Variants in IKZF1 observed in about 807,000 individuals in gnomAD.
IKZF1 encodes IKAROS family zinc finger 1.
Under a neutral mutation model 51.7 loss-of-function variants are expected in IKZF1, and 10 were observed. That is an observed-to-expected ratio of 0.19 (90% CI 0.12 to 0.33). The LOEUF (loss-of-function observed/expected upper bound fraction) is 0.33, where lower values mean the gene tolerates loss of function less well. Among genes scored for constraint, IKZF1 ranks in the 10% least tolerant of loss-of-function variants. The pLI is 1.00. For synonymous variants in IKZF1, 280 were observed against 282.3 expected (o/e 0.99, Z 0.08); for missense variants, 484 against 707.5 (o/e 0.68, Z 3.58).
intron 7 of IKZF1, among the ~76,000 whole-genome samples, chr7:50,399,261 G>A (rs1198211310): frequency 1.3e-5 from 2 of 152,056 alleles, no homozygotes; most frequent in African/African-American, 4.8e-5. Flanking sequence ...TTACTTTTGA[G>A]TATCCCTTCC....
intron 3 of IKZF1, among the ~76,000 whole-genome samples, chr7:50,339,579 T>C (rs1798599343): frequency 6.6e-6 from 1 of 151,780 alleles, no homozygotes; most frequent in East Asian, 1.9e-4. Context: ...TGAAACCCCA[T>C]CTCTACTAAA....
intron 3 of IKZF1, among the ~76,000 whole-genome samples, chr7:50,339,077 C>T (rs1001581731): frequency 0.021 from 3,164 of 152,260 alleles, 53 homozygotes; most frequent in Non-Finnish European, 0.026. Flanking sequence ...CCACAGAAAT[C>T]GGTGAACGCT....
At chr7:50,355,370 C>A (rs1046634616) in intron 3 of IKZF1, among the ~76,000 whole-genome samples, 5 of 152,166 alleles carry the variant, frequency 3.3e-5, no homozygotes, top group Non-Finnish European at 5.9e-5. Context: ...TGAGAGCAGT[C>A]AGTGTCATGT....
chr7:50,336,821 T>A (rs1382850375), intron 3 of IKZF1, among the ~76,000 whole-genome samples: 7 of 152,052 alleles, frequency 4.6e-5, no homozygotes, highest in African/African-American at 1.7e-4. Context: ...AAGGTAGGGA[T>A]GTAAGTCATA....
intron 3 of IKZF1, among the ~76,000 whole-genome samples, chr7:50,339,125 C>T (rs1798454001): frequency 6.6e-6 from 1 of 151,984 alleles, no homozygotes; most frequent in South Asian, 2.1e-4. Context: ...GCTGGTTTAT[C>T]TGTGCACCAC....
At chr7:50,382,771 C>T in intron 5 of IKZF1, 64 bp downstream of exon 5, 1 of 1,522,380 alleles carries the variant, frequency 6.6e-7, no homozygotes, top group Non-Finnish European at 8.8e-7. Flanking sequence ...CTCTGCCCGC[C>T]TGGGTCCCGG....
chr7:50,371,206 T>G (rs1042220408), intron 3 of IKZF1, among the ~76,000 whole-genome samples: 2 of 152,226 alleles, frequency 1.3e-5, no homozygotes, highest in Middle Eastern at 3.2e-3. Flanking sequence ...TCCCTTGGGA[T>G]GGGTTCCGGG....
chr7:50,358,323 A>C (rs1436791419), intron 3 of IKZF1, among the ~76,000 whole-genome samples: 1 of 152,228 alleles, frequency 6.6e-6, no homozygotes, highest in Non-Finnish European at 1.5e-5. Flanking sequence ...TGACATTTGA[A>C]GTTTCTTCCT....
At chr7:50,385,422 T>C (rs1813081019) in intron 5 of IKZF1, among the ~76,000 whole-genome samples, 1 of 152,288 alleles carries the variant, frequency 6.6e-6, no homozygotes, top group Non-Finnish European at 1.5e-5. Context: ...TGAACTAGCA[T>C]GTTAGCAGGG....
intron 3 of IKZF1, chr7:50,328,134 G>A (rs186807222): frequency 0.019 from 3,186 of 168,132 alleles, 39 homozygotes; most frequent in Non-Finnish European, 0.029. Flanking sequence ...AGTGTTTGGG[G>A]TTAGAACAAG....
chr7:50,360,891 C>T (rs1711792135), intron 3 of IKZF1, among the ~76,000 whole-genome samples: 1 of 152,256 alleles, frequency 6.6e-6, no homozygotes, highest in Non-Finnish European at 1.5e-5. Flanking sequence ...TCCATGCACA[C>T]ACCCCAAGCC....
intron 1 of IKZF1, among the ~76,000 whole-genome samples, chr7:50,309,735 T>G (rs982835614): frequency 3.9e-5 from 6 of 152,230 alleles, no homozygotes; most frequent in Non-Finnish European, 8.8e-5. Flanking sequence ...TTGACAAATT[T>G]TTGTTGTTAT....
chr7:50,367,811 G>A, intron 3 of IKZF1: 1 of 567,108 alleles, frequency 1.8e-6, no homozygotes, highest in Middle Eastern at 4.7e-4. Flanking sequence ...CACCTGAGGG[G>A]ATTGTGGTCC....
In IKZF1 at chr7:50,382,524, C is replaced by T; in HGVS notation, c.422-16C>T. 3.7e-6 allele frequency: 6 copies of T among 1,608,188 alleles called. No individual in the cohort carries two copies. Among genetic ancestry groups the T allele is most frequent in the Non-Finnish European group, 4.3e-6 (5 of 1,175,538 alleles). ...GCTGAGTTTAGTTCTCACCAGCTCT[C>T]CTCTCTCCGTCCCAGGAGAACGGCC... On this transcript the variant is annotated splice_polypyrimidine_tract_variant and intron_variant, in intron 4 of 7. Coordinates refer to ENST00000331340, the MANE Select transcript of IKZF1 (RefSeq NM_006060.6).
rs751617536 is a variant in IKZF1 at position 50,400,461 on chromosome 7, A to C, written c.1394A>C (p.Glu465Ala). The C allele has an allele frequency of 5.0e-6, 8 of 1,613,972 alleles. No homozygotes were observed. Among genetic ancestry groups the C allele is most frequent in the Non-Finnish European group, 2.5e-6 (3 of 1,179,900 alleles). Residue 465 changes from glutamate to alanine, a missense_variant, in exon 8 of 8, where the codon GAA (glutamate) becomes GCA (alanine). By Grantham distance (107) the Glu-to-Ala change is moderately radical. Transcript: ENST00000331340. This position sits in a 1 kb window ranked among gnomAD's most constrained non-coding sequence, Gnocchi z 5.4. ...SGEQMKVYKC[E>A]HCRVLFLDHV... The stretch of plus-strand genomic sequence containing the variant: ...GAGCAGATGAAGGTGTACAAGTGCG[A>C]ACACTGCCGGGTGCTCTTCCTGGAT...
At chr7:50,322,433 A>G (rs965532398) in intron 2 of IKZF1, among the ~76,000 whole-genome samples, 1 of 152,180 alleles carries the variant, frequency 6.6e-6, no homozygotes, top group African/African-American at 2.4e-5. Context: ...TTGTTCCTTG[A>G]GATTTATCCT....
chr7:50,400,344 T>A lies in IKZF1; in HGVS notation c.1277T>A (p.Leu426Gln). ...NHIAPHARNG[L>Q]SLKEEHRAYD... Reference sequence around the variant, plus strand: ...ATCGCCCCGCACGCGCGCAACGGGCTGTCGCTCAAGGAGGAGCACCGCGCC... The same window carrying A: ...ATCGCCCCGCACGCGCGCAACGGGCAGTCGCTCAAGGAGGAGCACCGCGCC... The change falls in exon 8 of 8, where the codon CTG (leucine) becomes CAG (glutamine). Residue 426 changes from leucine to glutamine, a missense_variant. This residue lies in a region of IKZF1 where 72 missense variants were observed against 67.5 expected (regional missense o/e 1.07). Transcript: ENST00000331340. The surrounding 1 kb of genome is among the most constrained non-coding windows in gnomAD (Gnocchi z 5.4). 1 of 1,612,870 alleles carries A rather than the reference T, an allele frequency of 6.2e-7. No individual in the cohort carries two copies. The highest frequency in any genetic ancestry group is 8.5e-7 in the Non-Finnish European group (1 of 1,179,736).
At chr7:50,356,304 G>A (rs530408521) in intron 3 of IKZF1, among the ~76,000 whole-genome samples, 7 of 152,362 alleles carry the variant, frequency 4.6e-5, no homozygotes, top group African/African-American at 1.4e-4. Context: ...CTAGTACCCT[G>A]TGGGGACAGA....
intron 1 of IKZF1, among the ~76,000 whole-genome samples, chr7:50,316,310 T>C (rs1791519275): frequency 6.6e-6 from 1 of 152,124 alleles, no homozygotes. Flanking sequence ...CCCAAGCAAC[T>C]GCACTCATAA....
Sources: gnomAD v4.1 joint callset for allele counts (sites outside exome capture counted in the v4.1 genomes callset) on GRCh38, gnomAD v4.1.1 for gene constraint, gnomAD v4.1.1 regional missense constraint, Gnocchi (gnomAD v3.1) non-coding constraint, MANE v1.5 for transcripts, NCBI Gene and HGNC (gene_info 2026-07-23, HGNC 2026-07-21) for gene names.